The following TMEM117 variants were observed in gnomAD, a reference collection of about 807,000 sequenced individuals.
TMEM117 encodes the protein transmembrane protein 117.
A neutral mutation model predicts 52.4 loss-of-function variants in TMEM117; 27 were observed. The observed-to-expected ratio is 0.51, with a 90% CI of 0.38 to 0.71. TMEM117 has a LOEUF of 0.71. TMEM117 is among the 30% of genes least tolerant of loss of function. The probability of loss-of-function intolerance (pLI) is 0.00; values close to 1 mark genes in which losing one functional copy is unlikely to be tolerated. For missense variants in TMEM117, 556 were observed against 630.5 expected (o/e 0.88, Z 1.26); for synonymous variants, 215 against 206.3 (o/e 1.04, Z -0.36).
At chr12:44,082,561 GA>G (rs1947499884) in intron 3 of TMEM117, among the ~76,000 whole-genome samples, 1 of 151,886 alleles carries the variant, frequency 6.6e-6, no homozygotes, top group Non-Finnish European at 1.5e-5. Context: ...AGAATTGAGA[GA>G]AATATGTTAC....
intron 3 of TMEM117, among the ~76,000 whole-genome samples, chr12:44,122,589 G>A (rs1460340008): frequency 6.6e-6 from 1 of 152,034 alleles, no homozygotes; most frequent in African/African-American, 2.4e-5. Context: ...AGAGGCCCCA[G>A]TGCATATTGT....
intron 6 of TMEM117, among the ~76,000 whole-genome samples, chr12:44,344,337 T>C (rs535541428): frequency 2.6e-5 from 4 of 152,144 alleles, no homozygotes; most frequent in Non-Finnish European, 4.4e-5. Flanking sequence ...GTATGCCACT[T>C]GTGCAGTTAC....
downstream of TMEM117, among the ~76,000 whole-genome samples, chr12:44,391,060 T>A (rs761555241): frequency 1.3e-5 from 2 of 152,126 alleles, no homozygotes; most frequent in Admixed American, 1.3e-4. Context: ...TAAAGAAAGC[T>A]TAACAAATGT....
chr12:44,353,824 C>G (rs1487311311), intron 6 of TMEM117, among the ~76,000 whole-genome samples: 1 of 152,012 alleles, frequency 6.6e-6, no homozygotes, highest in Admixed American at 6.6e-5. Context: ...TTTTTTCCAA[C>G]TCTGTGAAGA....
chr12:43,842,810 G>A (rs141931647), intron 1 of TMEM117, among the ~76,000 whole-genome samples: 1 of 152,148 alleles, frequency 6.6e-6, no homozygotes, highest in East Asian at 1.9e-4. Flanking sequence ...TTATAATTGT[G>A]TCTGGAGAAG....
chr12:44,332,288 T>G (rs1437761407), intron 6 of TMEM117, among the ~76,000 whole-genome samples: 2 of 152,088 alleles, frequency 1.3e-5, no homozygotes, highest in African/African-American at 4.8e-5. Flanking sequence ...TTTGTAAGAA[T>G]GGAATAAGTT....
At chr12:43,918,846 A>G (rs7964465) in intron 2 of TMEM117, among the ~76,000 whole-genome samples, 26,297 of 152,026 alleles carry the variant, frequency 0.17, 3,487 homozygotes, top group African/African-American at 0.36. Context: ...TACCAAATCC[A>G]CTTTTCTGTC....
intron 5 of TMEM117, among the ~76,000 whole-genome samples, chr12:44,212,213 T>C (rs1453673121): frequency 6.6e-6 from 1 of 152,216 alleles, no homozygotes; most frequent in Non-Finnish European, 1.5e-5. Flanking sequence ...AATTGTGTGC[T>C]GTTCTGAGTA....
upstream of TMEM117, among the ~76,000 whole-genome samples, chr12:43,832,713 G>T (rs1342762357): frequency 6.6e-6 from 1 of 152,102 alleles, no homozygotes; most frequent in African/African-American, 2.4e-5. Context: ...AGGTTAAAAC[G>T]TGGGCTGACA....
chr12:44,150,942 T>G (rs1156418002), intron 4 of TMEM117, among the ~76,000 whole-genome samples: 1 of 152,168 alleles, frequency 6.6e-6, no homozygotes. Context: ...GTAAGTCTCC[T>G]AATGCCAATG....
intron 3 of TMEM117, among the ~76,000 whole-genome samples, chr12:44,120,992 T>C (rs577961795): frequency 3.3e-5 from 5 of 152,308 alleles, no homozygotes; most frequent in African/African-American, 1.2e-4. Flanking sequence ...GGACTTACAG[T>C]TCCATGTGGC....
chr12:44,135,436 G>A (rs1003808898), intron 3 of TMEM117, among the ~76,000 whole-genome samples: 13 of 152,156 alleles, frequency 8.5e-5, no homozygotes, highest in Non-Finnish European at 1.8e-4. Flanking sequence ...TAAGATAGGT[G>A]CTTATCCAAT....
At chr12:43,934,094 A>G (rs1944914003) in intron 2 of TMEM117, among the ~76,000 whole-genome samples, 1 of 151,810 alleles carries the variant, frequency 6.6e-6, no homozygotes, top group Non-Finnish European at 1.5e-5. Context: ...AATTTCACTT[A>G]GTAGTAAAAT....
At chr12:44,174,454 T>C (rs924408284) in intron 4 of TMEM117, among the ~76,000 whole-genome samples, 1 of 152,198 alleles carries the variant, frequency 6.6e-6, no homozygotes, top group African/African-American at 2.4e-5. Flanking sequence ...TACTTAACTA[T>C]TTTTTTGAGT....
At chr12:44,010,207 A>C (rs963969435) in intron 3 of TMEM117, 1 of 501,522 alleles carries the variant, frequency 2.0e-6, no homozygotes, top group African/African-American at 1.9e-5. Flanking sequence ...CACCTCTGAC[A>C]AATGAGGGTG....
At chr12:44,371,983 T>A (rs757332374) in intron 6 of TMEM117, among the ~76,000 whole-genome samples, 2 of 152,228 alleles carry the variant, frequency 1.3e-5, no homozygotes, top group Non-Finnish European at 2.9e-5. Context: ...TAACTGTTTG[T>A]CATATATGAA....
chr12:44,170,098 A>G (rs1949023887), intron 4 of TMEM117, among the ~76,000 whole-genome samples: 2 of 152,106 alleles, frequency 1.3e-5, no homozygotes, highest in Non-Finnish European at 2.9e-5. Context: ...TATACACCAT[A>G]GAATACTATG....
chr12:43,836,068 C>G (rs1331012573), upstream of TMEM117: 1 of 151,730 alleles, frequency 6.6e-6, no homozygotes, highest in Non-Finnish European at 1.5e-5. Flanking sequence ...AGCTCCGTGA[C>G]AGCAGCAGCG....
chr12:43,850,112 A>T (rs755234542), intron 2 of TMEM117, among the ~76,000 whole-genome samples: 1 of 152,140 alleles, frequency 6.6e-6, no homozygotes, highest in Non-Finnish European at 1.5e-5. Context: ...TTCACAGGAA[A>T]CAACATTTAA....
Sources: allele counts gnomAD v4.1 joint callset (sites outside exome capture counted in the v4.1 genomes callset), GRCh38; gene constraint gnomAD v4.1.1; transcripts MANE v1.5; gene names NCBI Gene and HGNC (gene_info 2026-07-23, HGNC 2026-07-21).